ZSCAN20: variants seen among roughly 807,000 people sequenced by gnomAD.
ZSCAN20 encodes the protein zinc finger and SCAN domain-containing protein 20.
In ZSCAN20, 39 loss-of-function variants were observed where a neutral mutation model predicts 97.1. The observed-to-expected ratio is 0.40, with a 90% CI of 0.31 to 0.52. ZSCAN20 has a LOEUF of 0.52. Among genes scored for constraint, ZSCAN20 ranks in the 20% least tolerant of loss-of-function variants. The pLI is 0.49. For missense variants in ZSCAN20, 1,115 were observed against 1,290.4 expected (o/e 0.86, Z 2.08); for synonymous variants, 456 against 467.3 (o/e 0.98, Z 0.31).
Position 33,491,402 on chromosome 1 carries a change from A to C in ZSCAN20, c.1144A>C (p.Asn382His), listed in dbSNP as rs1287813879. 6.2e-7 allele frequency: 1 copy of C among 1,614,048 alleles called. No homozygotes were observed. The highest frequency in any genetic ancestry group is 8.5e-7 in the Non-Finnish European group (1 of 1,180,040). Residue 382 changes from asparagine (N) to histidine (H), a missense_variant, in exon 6 of 8, where the codon AAC becomes CAC. Asn to His is a moderately conservative substitution (Grantham distance 68, BLOSUM62 1). Coordinates refer to ENST00000684572, the MANE Select transcript of ZSCAN20 (RefSeq NM_001377376.1). The surrounding 1 kb of genome is among the most constrained non-coding windows in gnomAD (Gnocchi z 4.3). ...GGAGCAATGTCGCTATAGGGTCAAAAACCTCCTACGGAATTACCGGAAAGC... is the reference window on the plus strand; with the variant it reads ...GGAGCAATGTCGCTATAGGGTCAAACACCTCCTACGGAATTACCGGAAAGC... ...TLEQCRYRVK[N>H]LLRNYRKAKS... is the part of the protein sequence containing the mutation.
At chr1:33,478,984 T>C (rs1652035405) in intron 1 of ZSCAN20, among the ~76,000 whole-genome samples, 195 bp from the exon 2 acceptor site, 1 of 152,202 alleles carries the variant, frequency 6.6e-6, no homozygotes, top group Non-Finnish European at 1.5e-5. Context: ...CCTCATCTAA[T>C]CAACCCAGCA....
chr1:33,479,801 C>T, intron 2 of ZSCAN20, 96 bp downstream of exon 2: 3 of 1,289,574 alleles, frequency 2.3e-6, no homozygotes, highest in Non-Finnish European at 3.1e-6. Context: ...ATAAAAATAA[C>T]AATAGTTATT....
At position 33,497,922 on chromosome 1, in the gene ZSCAN20, T is replaced by C. The variant is rs570729007; in HGVS notation, c.*2446T>C. ...AGGTGCTTAAGGGAAATCATGGTGATGCTATGCATTTGGATGTCGGCTAGC... is the reference window on the plus strand; with the variant it reads ...AGGTGCTTAAGGGAAATCATGGTGACGCTATGCATTTGGATGTCGGCTAGC... On this transcript the variant is annotated 3_prime_UTR_variant, in exon 8 of 8. Coordinates refer to ENST00000684572, the MANE Select transcript of ZSCAN20 (RefSeq NM_001377376.1). Among the ~76,000 whole-genome samples the C allele has an allele frequency of 2.8e-4, 43 of 152,298 alleles. No individual in the cohort carries two copies. Among genetic ancestry groups the C allele is most frequent in the African/African-American group, 1.0e-3 (42 of 41,562 alleles).
Position 33,491,992 on chromosome 1 carries a change from C to A in ZSCAN20, c.1444+290C>A. On this transcript the variant is annotated intron_variant, in intron 6 of 7. Transcript: ENST00000684572. This position sits in a 1 kb window ranked among gnomAD's most constrained non-coding sequence, Gnocchi z 4.3. ...ACTGGTAGTATGGGATGATCATCGACGTTACATGAATGAACTTTAAATTCT... is the reference window on the plus strand; with the variant it reads ...ACTGGTAGTATGGGATGATCATCGAAGTTACATGAATGAACTTTAAATTCT... The A allele has an allele frequency of 3.4e-6, 1 of 296,378 alleles. No individual in the cohort carries two copies. Among genetic ancestry groups the A allele is most frequent in the Non-Finnish European group, 6.2e-6 (1 of 161,028 alleles). The allele number at this position is 296,378 out of a possible 1,614,324, so 18.4% of individuals were successfully genotyped here. A position where few individuals can be genotyped will look rare whatever the true frequency, so the allele number is the denominator to read the frequency against.
rs1190445773 is a variant in ZSCAN20, at chr1:33,499,592, C to A, written c.*4116C>A. Reference sequence around the variant, plus strand: ...GACTCCCATCCAAGCCTCCCCTGCACGTGCCTGGAGAGACCTGCCCATTGG... The same window carrying A: ...GACTCCCATCCAAGCCTCCCCTGCAAGTGCCTGGAGAGACCTGCCCATTGG... On this transcript the variant is annotated 3_prime_UTR_variant, in exon 8 of 8. Coordinates refer to ENST00000684572, the MANE Select transcript of ZSCAN20 (RefSeq NM_001377376.1). Among the ~76,000 whole-genome samples the A allele has an allele frequency of 6.6e-6, 1 of 152,130 alleles. No individual in the cohort carries two copies. The highest frequency in any genetic ancestry group is 6.5e-5 in the Admixed American group (1 of 15,272).
Position 33,488,516 on chromosome 1 carries a change from G to T in ZSCAN20, c.469G>T (p.Ala157Ser). Residue 157 changes from alanine to serine, a missense_variant, in exon 3 of 8, where the codon GCT becomes TCT. This residue lies in a region of ZSCAN20 where 508 missense variants were observed against 611.2 expected (regional missense o/e 0.83). Coordinates refer to ENST00000684572, the MANE Select transcript of ZSCAN20 (RefSeq NM_001377376.1). ...ETRPLKTGEE[A>S]QSFQLQPVDP... ...CAGGCCCTTAAAGACAGGGGAAGAA[G>T]CTCAGAGCTTCCAGCTGCAGCCAGT... The T allele has an allele frequency of 6.2e-7, 1 of 1,614,214 alleles. No homozygotes were observed. The highest frequency in any genetic ancestry group is 2.2e-5 in the East Asian group (1 of 44,884).
chr1:33,500,519 A>G lies in ZSCAN20; in HGVS notation c.*5043A>G, dbSNP rs1460248997. On this transcript the variant is annotated 3_prime_UTR_variant, in exon 8 of 8. Transcript: ENST00000684572. Reference sequence around the variant, plus strand: ...AGAGTAAAAAGAAGAATACAATTAGATAATTTTACCTAAACATGCTATAGT... The same window carrying G: ...AGAGTAAAAAGAAGAATACAATTAGGTAATTTTACCTAAACATGCTATAGT... Among the ~76,000 whole-genome samples, 2 of 152,134 alleles carry G rather than the reference A, an allele frequency of 1.3e-5. No individual in the cohort carries two copies. Among genetic ancestry groups the G allele is most frequent in the Non-Finnish European group, 2.9e-5 (2 of 68,034 alleles).
At chr1:33,490,565 T>G (rs1366279516) in intron 5 of ZSCAN20, among the ~76,000 whole-genome samples, 2 of 152,006 alleles carry the variant, frequency 1.3e-5, no homozygotes, top group Non-Finnish European at 2.9e-5. Context: ...AGCTTCATAT[T>G]AAAGCTGTTT....
At chr1:33,490,885 C>G in intron 5 of ZSCAN20, 140 bp from the exon 6 acceptor site, 1 of 723,784 alleles carries the variant, frequency 1.4e-6, no homozygotes, top group Non-Finnish European at 2.2e-6. Context: ...TCTCCCTATT[C>G]CTGTAAACAT....
Position 33,479,679 on chromosome 1 carries a change from C to A in ZSCAN20, c.391C>A (p.Arg131=). The A allele has an allele frequency of 6.3e-7, 1 of 1,581,438 alleles. No individual in the cohort carries two copies. Among genetic ancestry groups the A allele is most frequent in the Admixed American group, 1.9e-5 (1 of 51,920 alleles). Reference sequence around the variant, plus strand: ...TGTGGCCTTGGTGGAGGATTGGCACCGAGAGACCAGGACTGCAGGACAGTC... The same window carrying A: ...TGTGGCCTTGGTGGAGGATTGGCACAGAGAGACCAGGACTGCAGGACAGTC... ...EAVALVEDWH[R]ETRTAGQSGL... is the part of the protein sequence containing the mutation. Residue 131 remains arginine, a synonymous_variant, in exon 2 of 8, where the codon CGA becomes AGA. Coordinates refer to ENST00000684572, the MANE Select transcript of ZSCAN20 (RefSeq NM_001377376.1).
rs377057575 is a variant in ZSCAN20 at position 33,479,684 on chromosome 1, G to A, written c.396G>A (p.Glu132=). 1 of 1,574,098 alleles carries A rather than the reference G, an allele frequency of 6.4e-7. No homozygotes were observed. The highest frequency in any genetic ancestry group is 2.2e-5 in the East Asian group (1 of 44,602). The change falls in exon 2 of 8, where the codon GAG becomes GAA. Residue 132 remains glutamate, a synonymous_variant. Coordinates refer to ENST00000684572, the MANE Select transcript of ZSCAN20 (RefSeq NM_001377376.1). ...AVALVEDWHR[E]TRTAGQSGLE... ...CCTTGGTGGAGGATTGGCACCGAGA[G>A]ACCAGGACTGCAGGACAGTCGGTGA...
chr1:33,482,465 A>C (rs151135601), intron 2 of ZSCAN20, among the ~76,000 whole-genome samples: 1 of 152,218 alleles, frequency 6.6e-6, no homozygotes, highest in Admixed American at 6.5e-5. Context: ...TTATTTATCT[A>C]CTCACCTACT....
chr1:33,495,155 G>A lies in ZSCAN20; in HGVS notation c.2811G>A (p.Gly937=), dbSNP rs766133980. The A allele has an allele frequency of 5.0e-6, 8 of 1,613,838 alleles. No individual in the cohort carries two copies. The highest frequency in any genetic ancestry group is 3.3e-5 in the South Asian group (3 of 91,068). Residue 937 remains glycine (G), a synonymous_variant, in exon 8 of 8, where the codon GGG becomes GGA. Coordinates refer to ENST00000684572, the MANE Select transcript of ZSCAN20 (RefSeq NM_001377376.1). ...AGCCGTATAAATGTGTGGACTGTGGGAAGTGCTTCAGTGAGCGCTCCAAGC... is the reference window on the plus strand; with the variant it reads ...AGCCGTATAAATGTGTGGACTGTGGAAAGTGCTTCAGTGAGCGCTCCAAGC... ...GEKPYKCVDC[G]KCFSERSKLI...
Position 33,499,726 on chromosome 1 carries a change from A to T in ZSCAN20, c.*4250A>T, listed in dbSNP as rs1216704225. ...AGGTCTCTTTCTGAATGAAGTCAAT[A>T]TCTAAAGTCAAAATTAATCATTCAA... On this transcript the variant is annotated 3_prime_UTR_variant, in exon 8 of 8. Transcript: ENST00000684572. 6.6e-6 allele frequency among the ~76,000 whole-genome samples: 1 copy of T among 152,204 alleles called. No homozygotes were observed. The highest frequency in any genetic ancestry group is 1.9e-4 in the East Asian group (1 of 5,202).
At chr1:33,487,674 A>T (rs1302375672) in intron 2 of ZSCAN20, among the ~76,000 whole-genome samples, 1 of 151,998 alleles carries the variant, frequency 6.6e-6, no homozygotes, top group East Asian at 1.9e-4. Context: ...ACAAGTTCTC[A>T]CTCCATTGTC....
chr1:33,489,130 G>A lies in ZSCAN20; in HGVS notation c.620G>A (p.Arg207Gln). The part of the protein sequence containing the change: ...PLKESAVLTP[R>Q]VPTLPKMGSV... Reference sequence around the variant, plus strand: ...TTTTCCTCAGCTGTCCTCACTCCCCGAGTCCCTACTCTCCCAAAGATGGGG... The same window carrying A: ...TTTTCCTCAGCTGTCCTCACTCCCCAAGTCCCTACTCTCCCAAAGATGGGG... The change falls in exon 4 of 8, where the codon CGA becomes CAA. Residue 207 changes from arginine to glutamine, a missense_variant. Coordinates refer to ENST00000684572, the MANE Select transcript of ZSCAN20 (RefSeq NM_001377376.1). The A allele has an allele frequency of 1.9e-6, 3 of 1,613,310 alleles. No homozygotes were observed. The highest frequency in any genetic ancestry group is 2.5e-6 in the Non-Finnish European group (3 of 1,179,526).
chr1:33,491,491 T>A lies in ZSCAN20; in HGVS notation c.1233T>A (p.Ala411=), dbSNP rs1652608002. ...FYEELEALVR[A]RTAIRATDGP... ...AGGAGCTGGAGGCCCTGGTCAGGGCTCGGACAGCCATCAGAGCCACAGATG... is the reference window on the plus strand; with the variant it reads ...AGGAGCTGGAGGCCCTGGTCAGGGCACGGACAGCCATCAGAGCCACAGATG... The change falls in exon 6 of 8, where the codon GCT becomes GCA. Residue 411 remains alanine, a synonymous_variant. Coordinates refer to ENST00000684572, the MANE Select transcript of ZSCAN20 (RefSeq NM_001377376.1). The surrounding 1 kb of genome is among the most constrained non-coding windows in gnomAD (Gnocchi z 4.3). 1 of 1,613,918 alleles carries A rather than the reference T, an allele frequency of 6.2e-7. No homozygotes were observed. The highest frequency in any genetic ancestry group is 8.5e-7 in the Non-Finnish European group (1 of 1,179,990).
intron 4 of ZSCAN20, 123 bp from the exon 5 acceptor site, chr1:33,489,395 T>C (rs1652505834): frequency 9.1e-7 from 1 of 1,094,478 alleles, no homozygotes; most frequent in Non-Finnish European, 1.4e-6. Context: ...CTGCTCCTTA[T>C]GATGCCAGCT....
Position 33,495,598 on chromosome 1 carries a change from A to C in ZSCAN20, c.*122A>C. On this transcript the variant is annotated 3_prime_UTR_variant, in exon 8 of 8. Coordinates refer to ENST00000684572, the MANE Select transcript of ZSCAN20 (RefSeq NM_001377376.1). ...GTGTACCCAGGGAAGTTATCTTGGT[A>C]TAAACCAGGTAATTTGGAAGTGAAT... 1.1e-6 allele frequency: 1 copy of C among 898,796 alleles called. No individual in the cohort carries two copies. The allele number at this position is 898,796 out of a possible 1,614,324, so 55.7% of individuals were successfully genotyped here.
Sources: gnomAD v4.1 joint callset for allele counts (sites outside exome capture counted in the v4.1 genomes callset) on GRCh38, gnomAD v4.1.1 for gene constraint, gnomAD v4.1.1 regional missense constraint, Gnocchi (gnomAD v3.1) non-coding constraint, MANE v1.5 for transcripts, NCBI Gene and HGNC (gene_info 2026-07-23, HGNC 2026-07-21) for gene names.